The following SCN10A variants were observed in gnomAD, a reference collection of about 807,000 sequenced individuals.
SCN10A encodes the protein sodium channel protein type 10 subunit alpha.
SCN10A carries 162 observed loss-of-function variants against 170.7 expected under a neutral mutation model. The observed-to-expected ratio is 0.95, with a 90% CI of 0.84 to 1.08. The LOEUF (loss-of-function observed/expected upper bound fraction) is 1.08, where lower values mean the gene tolerates loss of function less well. Among genes scored for constraint, SCN10A ranks in the 50% least tolerant of loss-of-function variants. SCN10A has a pLI of 0.00. For missense variants in SCN10A, 2,527 were observed against 2,436.9 expected (o/e 1.04, Z -0.78); for synonymous variants, 985 against 904.6 (o/e 1.09, Z -1.59).
At chr3:38,768,746 G>A (rs4417808) in intron 5 of SCN10A, among the ~76,000 whole-genome samples, 39,095 of 151,900 alleles carry the variant, frequency 0.26, 5,572 homozygotes, top group Middle Eastern at 0.31. Flanking sequence ...GATCTTTTTT[G>A]TGACACATTT....
intron 15 of SCN10A, 88 bp downstream of exon 15, chr3:38,739,427 G>A: frequency 8.3e-7 from 1 of 1,211,190 alleles, no homozygotes; most frequent in Non-Finnish European, 1.2e-6. Flanking sequence ...GAGAGGAAGG[G>A]GGAGCTGGCT....
At chr3:38,751,982 A>G (rs1251401589) in intron 12 of SCN10A, among the ~76,000 whole-genome samples, 1 of 152,110 alleles carries the variant, frequency 6.6e-6, no homozygotes, top group Non-Finnish European at 1.5e-5. Flanking sequence ...GTCAAATGGA[A>G]TATAATTTGC....
chr3:38,712,945 A>G (rs952514415), intron 22 of SCN10A, among the ~76,000 whole-genome samples: 2 of 152,274 alleles, frequency 1.3e-5, no homozygotes, highest in Admixed American at 1.3e-4. Flanking sequence ...AACTATTTCA[A>G]TCTTCGGGTC....
At chr3:38,814,013 T>C (rs546680323) in intron 1 of SCN10A, among the ~76,000 whole-genome samples, 1 of 152,260 alleles carries the variant, frequency 6.6e-6, no homozygotes, top group East Asian at 1.9e-4. Flanking sequence ...GAGACCCTCA[T>C]AAACTCACAC....
intron 4 of SCN10A, among the ~76,000 whole-genome samples, chr3:38,776,391 CT>C (rs1045150233): frequency 2.0e-5 from 3 of 151,724 alleles, no homozygotes; most frequent in Admixed American, 1.3e-4. Context: ...AGTGATGACT[CT>C]TTTTTTTGAA....
chr3:38,717,771 A>T (rs1016364681), intron 21 of SCN10A, among the ~76,000 whole-genome samples: 2 of 152,224 alleles, frequency 1.3e-5, no homozygotes, highest in African/African-American at 4.8e-5. Flanking sequence ...GCAGAGACCA[A>T]CACAGCACAT....
At chr3:38,756,435 C>T (rs1194125379) in intron 10 of SCN10A, among the ~76,000 whole-genome samples, 1 of 152,184 alleles carries the variant, frequency 6.6e-6, no homozygotes, top group Non-Finnish European at 1.5e-5. Context: ...CCACCCTCTG[C>T]CCCATTCTGT....
chr3:38,804,536 T>C (rs73826366), intron 1 of SCN10A, among the ~76,000 whole-genome samples: 16,064 of 152,166 alleles, frequency 0.11, 919 homozygotes, highest in South Asian at 0.19. Flanking sequence ...TTTTAGGTAA[T>C]CAACAGTTAT....
chr3:38,698,185 C>T lies in SCN10A; in HGVS notation c.5035G>A (p.Asp1679Asn), dbSNP rs2063116680. The part of the protein sequence containing the change: ...PILNTGPPYC[D>N]PNLPNSNGTR... Reference sequence around the variant, plus strand: ...CCATTGCTGTTGGGCAGATTGGGGTCACAGTAGGGGGGCCCTGTGTTGAGG... The same window carrying T: ...CCATTGCTGTTGGGCAGATTGGGGTTACAGTAGGGGGGCCCTGTGTTGAGG... Residue 1679 changes from aspartate (D) to asparagine (N), a missense_variant, in exon 28 of 28, where the codon GAC becomes AAC. Coordinates refer to ENST00000449082, the MANE Select transcript of SCN10A (RefSeq NM_006514.4). The T allele has an allele frequency of 1.2e-6, 2 of 1,614,064 alleles. No homozygotes were observed. Among genetic ancestry groups the T allele is most frequent in the African/African-American group, 2.7e-5 (2 of 74,994 alleles).
Position 38,744,383 on chromosome 3 carries a change from C to T in SCN10A, c.1868-1854G>A, listed in dbSNP as rs76250276. The stretch of plus-strand genomic sequence containing the variant: ...AATAACTGTGTGCCCCCAAATTTTG[C>T]TAACAGTGTTTTTTCCTGATAATTT... On this transcript the variant is annotated intron_variant, in intron 13 of 27. Coordinates refer to ENST00000449082, the MANE Select transcript of SCN10A (RefSeq NM_006514.4). Among the ~76,000 whole-genome samples the T allele has an allele frequency of 8.5e-3, 1,298 of 151,984 alleles. 20 individuals carry two copies. The highest frequency in any genetic ancestry group is 0.029 in the African/African-American group (1,199 of 41,452).
At position 38,714,019 on chromosome 3, in the gene SCN10A, G is replaced by A. The variant is rs1320552059; in HGVS notation, c.3743C>T (p.Ala1248Val). The A allele has an allele frequency of 2.5e-6, 4 of 1,614,184 alleles. No individual in the cohort carries two copies. Among genetic ancestry groups the A allele is most frequent in the Non-Finnish European group, 3.4e-6 (4 of 1,180,038 alleles). The change falls in exon 22 of 28, where the codon GCC becomes GTC. Residue 1248 changes from alanine to valine, a missense_variant. Physicochemically the swap from Ala to Val is moderately conservative, Grantham distance 64 (BLOSUM62 0). Coordinates refer to ENST00000449082, the MANE Select transcript of SCN10A (RefSeq NM_006514.4). ...CCGCAGAGCGCGAAGGGTTCGAAGGGCTTTGATGGGAGCCACTTCAGAATA... is the reference window on the plus strand; with the variant it reads ...CCGCAGAGCGCGAAGGGTTCGAAGGACTTTGATGGGAGCCACTTCAGAATA... Reference protein sequence around the residue: ...LEYSEVAPIKALRTLRALRPL... With the variant: ...LEYSEVAPIKVLRTLRALRPL...
At chr3:38,704,002 T>C (rs532659414) in intron 26 of SCN10A, among the ~76,000 whole-genome samples, 29 of 152,296 alleles carry the variant, frequency 1.9e-4, no homozygotes, top group African/African-American at 5.8e-4. Context: ...AAATTTAAAG[T>C]CACCCTTTAT....
At position 38,728,765 on chromosome 3, in the gene SCN10A, T is replaced by C. The variant is rs758068950; in HGVS notation, c.2417A>G (p.Lys806Arg). The C allele has an allele frequency of 1.2e-6, 2 of 1,614,152 alleles. No homozygotes were observed. Among genetic ancestry groups the C allele is most frequent in the South Asian group, 1.1e-5 (1 of 91,084 alleles). Residue 806 changes from lysine (K) to arginine (R), a missense_variant, in exon 16 of 28, where the codon AAG (lysine) becomes AGG (arginine). By Grantham distance (26) the Lys-to-Arg change is conservative. Transcript: ENST00000449082. ...ACGGTAGTTTTCCCCTAGGAGCTGC[T>C]TGCCAACCAGAGCAAAGACAAAGAC... ...IIVFVFALVGKQLLGENYRNN... is the reference protein window; with the variant it reads ...IIVFVFALVGRQLLGENYRNN...
At chr3:38,767,609 A>G (rs1020126472) in intron 5 of SCN10A, among the ~76,000 whole-genome samples, 2 of 152,122 alleles carry the variant, frequency 1.3e-5, no homozygotes, top group African/African-American at 2.4e-5. Context: ...AGGATACCTG[A>G]CATAATTTCT....
Position 38,726,879 on chromosome 3 carries a change from G to A in SCN10A, c.2814C>T (p.Phe938=), listed in dbSNP as rs200870389. The stretch of plus-strand genomic sequence containing the variant: ...GCTCAGGCTCTGCCTTGGGCTGGGG[G>A]AATGGGCAGGACCTGCTGAAGAAGC... The part of the protein sequence containing the change: ...LCSFFSRSCP[F]PQPKAEPELV... The change falls in exon 17 of 28, where the codon TTC becomes TTT. Residue 938 remains phenylalanine, a synonymous_variant. Coordinates refer to ENST00000449082, the MANE Select transcript of SCN10A (RefSeq NM_006514.4). 287 of 1,614,104 alleles carry A rather than the reference G, an allele frequency of 1.8e-4. 2 individuals are homozygous for A. The highest frequency in any genetic ancestry group is 1.3e-3 in the Middle Eastern group (8 of 6,084).
chr3:38,780,517 A>C (rs773630002), intron 4 of SCN10A, among the ~76,000 whole-genome samples: 3 of 152,050 alleles, frequency 2.0e-5, no homozygotes, highest in African/African-American at 7.2e-5. Context: ...TGACGTATTT[A>C]GTTTTTAAAA....
intron 4 of SCN10A, among the ~76,000 whole-genome samples, chr3:38,776,249 GACAA>G (rs1240420338): frequency 6.6e-6 from 1 of 152,070 alleles, no homozygotes; most frequent in African/African-American, 2.4e-5. Context: ...CTTGTCTCAT[GACAA>G]ACAGATTCAT....
chr3:38,756,849 A>C lies in SCN10A; in HGVS notation c.1115T>G (p.Ile372Ser). Residue 372 changes from isoleucine (I) to serine (S), a missense_variant, in exon 10 of 28, where the codon ATC becomes AGC. Ile to Ser is a moderately radical substitution (Grantham distance 142). Transcript: ENST00000449082. ...YQQTLRTSGK[I>S]YMIFFVLVIF... ...TACGAGCACAAAAAAGATCATATAG[A>C]TTTTCCCAGAAGTCCTCAGGGTCTG... The C allele has an allele frequency of 3.1e-6, 5 of 1,614,160 alleles. No homozygotes were observed. Among genetic ancestry groups the C allele is most frequent in the Non-Finnish European group, 4.2e-6 (5 of 1,180,034 alleles).
rs140123977 is a variant in SCN10A at position 38,756,717 on chromosome 3, T to C, written c.1247A>G (p.Lys416Arg). 6.2e-7 allele frequency: 1 copy of C among 1,614,200 alleles called. No individual in the cohort carries two copies. Among genetic ancestry groups the C allele is most frequent in the Non-Finnish European group, 8.5e-7 (1 of 1,180,036 alleles). The change falls in exon 10 of 28, where the codon AAG becomes AGG. Residue 416 changes from lysine (K) to arginine (R), a missense_variant. Lys to Arg is a conservative substitution (Grantham distance 26, BLOSUM62 2). Coordinates refer to ENST00000449082, the MANE Select transcript of SCN10A (RefSeq NM_006514.4). ...ATTDEIEAKE[K>R]KFQEALEMLR... ...CATCTCGAGGGCCTCCTGGAACTTC[T>C]TCTCCTTTGCTTCAATTTCATCAGT...
Sources: gnomAD v4.1 joint callset for allele counts (sites outside exome capture counted in the v4.1 genomes callset) on GRCh38, gnomAD v4.1.1 for gene constraint, MANE v1.5 for transcripts, NCBI Gene and HGNC (gene_info 2026-07-23, HGNC 2026-07-21) for gene names.